The following ZNF804A variants were observed in gnomAD, a reference collection of about 807,000 sequenced individuals.
ZNF804A encodes the protein zinc finger protein 804A.
In ZNF804A, 2 loss-of-function variants were observed where a neutral mutation model predicts 16.5. The observed-to-expected ratio is 0.12, with a 90% confidence interval of 0.05 to 0.38. The LOEUF is 0.38. Among genes scored for constraint, ZNF804A ranks in the 10% least tolerant of loss-of-function variants. The probability of loss-of-function intolerance (pLI) is 0.99; values close to 1 mark genes in which losing one functional copy is unlikely to be tolerated. For synonymous variants in ZNF804A, 534 were observed against 489.6 expected (o/e 1.09, Z -1.20); for missense variants, 1,473 against 1,390.7 (o/e 1.06, Z -0.94).
Position 184,938,405 on chromosome 2 carries a change from A to G in ZNF804A, c.3009A>G (p.Pro1003=), listed in dbSNP as rs150204094. Residue 1003 remains proline, a synonymous_variant, in exon 4 of 4, where the codon CCA becomes CCG. Coordinates refer to ENST00000302277, the MANE Select transcript of ZNF804A (RefSeq NM_194250.2). ...ATTCAGGAATCCTTAACACACAACC[A>G]CCATTACCATTCAAAGAAGCACATG... ...RYNSGILNTQ[P]PLPFKEAHVS... 14 of 1,613,912 alleles carry G rather than the reference A, an allele frequency of 8.7e-6. No homozygotes were observed.
chr2:184,665,196 T>C (rs72899936), intron 1 of ZNF804A, among the ~76,000 whole-genome samples: 1,701 of 152,302 alleles, frequency 0.011, 20 homozygotes, highest in Non-Finnish European at 0.02. Context: ...TCAAAGCTTT[T>C]TAAAAGGTAG....
intron 1 of ZNF804A, among the ~76,000 whole-genome samples, chr2:184,652,320 G>T (rs932281916): frequency 6.6e-6 from 1 of 152,072 alleles, no homozygotes; most frequent in Non-Finnish European, 1.5e-5. Flanking sequence ...GGGTTGATAA[G>T]CTACCTATTG....
At chr2:184,699,422 T>C (rs1213909417) in intron 1 of ZNF804A, among the ~76,000 whole-genome samples, 2 of 152,084 alleles carry the variant, frequency 1.3e-5, no homozygotes, top group African/African-American at 4.8e-5. Flanking sequence ...AATTAAATGG[T>C]GAATCCAGAT....
chr2:184,680,798 G>A lies in ZNF804A; in HGVS notation c.111+81728G>A, dbSNP rs565449189. Among the ~76,000 whole-genome samples the A allele has an allele frequency of 6.4e-4, 98 of 152,378 alleles. 1 individual carries two copies. Among genetic ancestry groups the A allele is most frequent in the African/African-American group, 2.1e-3 (89 of 41,596 alleles). On this transcript the variant is annotated intron_variant, in intron 1 of 3. Transcript: ENST00000302277. Reference sequence around the variant, plus strand: ...GTTCCTTGCTTGCCATGTGGCAGGAGATGAGAAGGAGAGAAGAGCTGTGGT... The same window carrying A: ...GTTCCTTGCTTGCCATGTGGCAGGAAATGAGAAGGAGAGAAGAGCTGTGGT...
intron 2 of ZNF804A, among the ~76,000 whole-genome samples, chr2:184,891,587 C>CT (rs1558994314): frequency 6.7e-6 from 1 of 149,902 alleles, no homozygotes. Flanking sequence ...CACTGTTATT[C>CT]TTTTTTTCTC....
chr2:184,939,023 C>A lies in ZNF804A; in HGVS notation c.3627C>A (p.Phe1209Leu), dbSNP rs1336928006. ...CTGTCATCCCTTTGCAACCTCTCTT[C>A]TAGTCATCACCATAATGGGAAAAAA... Reference protein sequence around the residue: ...HPTVIPLQPLF With the variant: ...HPTVIPLQPLL Residue 1209 changes from phenylalanine (F) to leucine (L), a missense_variant, in exon 4 of 4, where the codon TTC becomes TTA. Coordinates refer to ENST00000302277, the MANE Select transcript of ZNF804A (RefSeq NM_194250.2). The A allele has an allele frequency of 2.5e-6, 4 of 1,612,642 alleles. No homozygotes were observed. Among genetic ancestry groups the A allele is most frequent in the Admixed American group, 3.3e-5 (2 of 59,956 alleles).
At chr2:184,654,388 A>T (rs1468206154) in intron 1 of ZNF804A, among the ~76,000 whole-genome samples, 1 of 152,132 alleles carries the variant, frequency 6.6e-6, no homozygotes, top group Non-Finnish European at 1.5e-5. Flanking sequence ...AGGGCAAAAA[A>T]AATTGGGAAG....
chr2:184,696,280 G>A (rs1448403717), intron 1 of ZNF804A, among the ~76,000 whole-genome samples: 3 of 152,114 alleles, frequency 2.0e-5, no homozygotes, highest in Non-Finnish European at 4.4e-5. Flanking sequence ...ATGTGTTAAG[G>A]AAAGTTAGAT....
chr2:184,754,615 A>AGTAGGTATTAC (rs1693930791), intron 1 of ZNF804A, among the ~76,000 whole-genome samples: 1 of 151,868 alleles, frequency 6.6e-6, no homozygotes, highest in Admixed American at 6.6e-5. Flanking sequence ...TCGAATTGAA[A>AGTAGGTATTAC]CACATCAAAA....
intron 1 of ZNF804A, among the ~76,000 whole-genome samples, chr2:184,770,512 T>TG (rs1694193049): frequency 7.0e-6 from 1 of 142,714 alleles, no homozygotes; most frequent in African/African-American, 3.1e-5. Context: ...CCTATGTGAG[T>TG]AGTTTACTCA....
intron 1 of ZNF804A, among the ~76,000 whole-genome samples, chr2:184,694,186 T>G (rs1161652764): frequency 6.6e-6 from 1 of 151,466 alleles, no homozygotes; most frequent in Non-Finnish European, 1.5e-5. Flanking sequence ...TGACCTCAAA[T>G]GATCCACCTA....
chr2:184,628,030 T>C (rs1299295270), intron 1 of ZNF804A, among the ~76,000 whole-genome samples: 1 of 152,102 alleles, frequency 6.6e-6, no homozygotes, highest in African/African-American at 2.4e-5. Flanking sequence ...ATGTAAAGAA[T>C]ATGGCCGGGC....
chr2:184,629,259 A>G (rs1266621815), intron 1 of ZNF804A, among the ~76,000 whole-genome samples: 4 of 151,936 alleles, frequency 2.6e-5, no homozygotes, highest in Non-Finnish European at 4.4e-5. Flanking sequence ...AGTTTTAATA[A>G]TAATGTTATT....
Position 184,938,958 on chromosome 2 carries a change from C to T in ZNF804A, c.3562C>T (p.Pro1188Ser). The change falls in exon 4 of 4, where the codon CCC becomes TCC. Residue 1188 changes from proline to serine, a missense_variant. Transcript: ENST00000302277. ...TAGCCATCTGGCTTTCCCATCTTTA[C>T]CCCATGCACTCTTTCCTTCACTGCT... ...HPSHLAFPSL[P>S]HALFPSLLSP... The T allele has an allele frequency of 6.2e-7, 1 of 1,613,782 alleles. No homozygotes were observed. Among genetic ancestry groups the T allele is most frequent in the East Asian group, 2.2e-5 (1 of 44,796 alleles).
chr2:184,764,255 T>C (rs992272052), intron 1 of ZNF804A, among the ~76,000 whole-genome samples: 3 of 152,278 alleles, frequency 2.0e-5, no homozygotes, highest in South Asian at 2.1e-4. Context: ...AAAATAGTCA[T>C]GAAGCCATCT....
chr2:184,696,606 A>G (rs1438308630), intron 1 of ZNF804A, among the ~76,000 whole-genome samples: 1 of 152,138 alleles, frequency 6.6e-6, no homozygotes, highest in African/African-American at 2.4e-5. Flanking sequence ...TCACTGAAAT[A>G]TTTTATATGA....
intron 1 of ZNF804A, among the ~76,000 whole-genome samples, chr2:184,749,598 G>T (rs1693845315): frequency 6.6e-6 from 1 of 150,924 alleles, no homozygotes; most frequent in Non-Finnish European, 1.5e-5. Context: ...CTCTGGCGAG[G>T]GATTCTACAT....
At chr2:184,603,208 G>T (rs974673042) in intron 1 of ZNF804A, among the ~76,000 whole-genome samples, 1 of 152,068 alleles carries the variant, frequency 6.6e-6, no homozygotes, top group Non-Finnish European at 1.5e-5. Flanking sequence ...CAATTACAAA[G>T]CACTGTTCTA....
intron 1 of ZNF804A, among the ~76,000 whole-genome samples, chr2:184,633,020 A>C (rs1691638612): frequency 6.6e-6 from 1 of 152,150 alleles, no homozygotes; most frequent in Non-Finnish European, 1.5e-5. Flanking sequence ...GGCTTTGCTT[A>C]CCAAAACATT....
Sources: allele counts gnomAD v4.1 joint callset (sites outside exome capture counted in the v4.1 genomes callset), GRCh38; gene constraint gnomAD v4.1.1; transcripts MANE v1.5; gene names NCBI Gene and HGNC (gene_info 2026-07-23, HGNC 2026-07-21).